ST8SIA4: variants seen among roughly 807,000 people sequenced by gnomAD.
ST8SIA4 encodes ST8 alpha-N-acetyl-neuraminide alpha-2,8-sialyltransferase 4.
ST8SIA4 carries 15 observed loss-of-function variants against 33.9 expected under a neutral mutation model. The ratio of observed to expected loss-of-function variants is 0.44; its 90% CI spans 0.30 to 0.68. The LOEUF (loss-of-function observed/expected upper bound fraction) is 0.68. Among genes scored for constraint, ST8SIA4 ranks in the 30% least tolerant of loss-of-function variants. The pLI, the probability that ST8SIA4 is intolerant of heterozygous loss-of-function variation, is 0.10. For synonymous variants in ST8SIA4, 171 were observed against 151.2 expected (o/e 1.13, Z -0.96); for missense variants, 321 against 428.0 (o/e 0.75, Z 2.21).
chr5:100,819,345 T>C (rs1453512709), intron 4 of ST8SIA4, among the ~76,000 whole-genome samples: 1 of 152,240 alleles, frequency 6.6e-6, no homozygotes, highest in Non-Finnish European at 1.5e-5. Context: ...GCAAGTATCA[T>C]ACTAATAGCA....
At chr5:100,855,715 C>A (rs1751800527) in intron 4 of ST8SIA4, among the ~76,000 whole-genome samples, 1 of 152,132 alleles carries the variant, frequency 6.6e-6, no homozygotes, top group South Asian at 2.1e-4. Flanking sequence ...CTTAATTGCT[C>A]CTTAAATATA....
At chr5:100,874,698 C>T (rs1434508253) in intron 3 of ST8SIA4, among the ~76,000 whole-genome samples, 1 of 152,036 alleles carries the variant, frequency 6.6e-6, no homozygotes, top group Non-Finnish European at 1.5e-5. Flanking sequence ...GATCCTCTCA[C>T]CTCAGTCTCC....
intron 4 of ST8SIA4, among the ~76,000 whole-genome samples, chr5:100,828,403 G>A (rs1751185902): frequency 6.6e-6 from 1 of 152,132 alleles, no homozygotes; most frequent in Non-Finnish European, 1.5e-5. Context: ...GGGTCAGTGT[G>A]CTTTTTGCAG....
In ST8SIA4 at chr5:100,809,977, G is replaced by C. The variant is rs555386520; in HGVS notation, c.*1870C>G. 1 of 125,118 alleles carries C rather than the reference G, an allele frequency of 8.0e-6. No homozygotes were observed. The highest frequency in any genetic ancestry group is 1.8e-5 in the Non-Finnish European group (1 of 56,266). 7.8% of individuals were successfully genotyped at this position (125,118 alleles called of 1,614,324 possible). On this transcript the variant is annotated 3_prime_UTR_variant, in exon 5 of 5. Transcript: ENST00000231461. ...CATGGTAACACACACACACACACAC[G>C]TACTTCATGCTTTTTATTCATTTCT...
At chr5:100,817,380 C>A (rs1424322013) in intron 4 of ST8SIA4, among the ~76,000 whole-genome samples, 1 of 151,974 alleles carries the variant, frequency 6.6e-6, no homozygotes, top group African/African-American at 2.4e-5. Context: ...TTTTTCCCAT[C>A]AAAAATCACA....
At chr5:100,900,807 G>A (rs1351412090) in intron 1 of ST8SIA4, among the ~76,000 whole-genome samples, 2 of 152,052 alleles carry the variant, frequency 1.3e-5, no homozygotes, top group Non-Finnish European at 2.9e-5. Flanking sequence ...GGGACCAAAA[G>A]AGCCTGAGTC....
intron 3 of ST8SIA4, among the ~76,000 whole-genome samples, chr5:100,874,398 A>G (rs1385446612): frequency 6.6e-6 from 1 of 152,146 alleles, no homozygotes; most frequent in Admixed American, 6.6e-5. Context: ...AACTTCATCC[A>G]ATATCACCTA....
rs77507895 is a variant in ST8SIA4, at chr5:100,864,291, C to T, written c.504-7895G>A. ...GGACTTCACAATATATTTATAAAAG[C>T]GGGCCGGGTGCGGTGGCTCACGCCT... On this transcript the variant is annotated intron_variant, in intron 3 of 4. Transcript: ENST00000231461. Among the ~76,000 whole-genome samples, 1,472 of 151,896 alleles carry T rather than the reference C, an allele frequency of 9.7e-3. 20 individuals are homozygous for T. The highest frequency in any genetic ancestry group is 0.034 in the African/African-American group (1,411 of 41,450).
intron 3 of ST8SIA4, chr5:100,885,562 A>C: frequency 1.1e-6 from 1 of 930,008 alleles, no homozygotes; most frequent in Non-Finnish European, 1.3e-6. Flanking sequence ...GTACTATTTC[A>C]TATTTCAATA....
chr5:100,807,450 C>A lies in ST8SIA4; in HGVS notation c.*4397G>T, dbSNP rs1750719129. ...TACATTTGAAACACTTGTGCTTTTGCCTACACAAAGAAACGGTTTTTATTA... is the reference window on the plus strand; with the variant it reads ...TACATTTGAAACACTTGTGCTTTTGACTACACAAAGAAACGGTTTTTATTA... On this transcript the variant is annotated 3_prime_UTR_variant, in exon 5 of 5. Transcript: ENST00000231461. 6.6e-6 allele frequency: 1 copy of A among 152,368 alleles called. No homozygotes were observed. The highest frequency in any genetic ancestry group is 6.6e-5 in the Admixed American group (1 of 15,256). 9.4% of individuals were successfully genotyped at this position (152,368 alleles called of 1,614,324 possible). A position where few individuals can be genotyped will look rare whatever the true frequency, so the allele number is the denominator to read the frequency against.
chr5:100,821,631 ATCT>A (rs1751032198), intron 4 of ST8SIA4, among the ~76,000 whole-genome samples: 1 of 141,544 alleles, frequency 7.1e-6, no homozygotes, highest in South Asian at 2.6e-4. Flanking sequence ...AACAAATGTG[ATCT>A]ATATTCCATT....
intron 3 of ST8SIA4, among the ~76,000 whole-genome samples, chr5:100,874,023 G>A (rs1752254853): frequency 6.6e-6 from 1 of 152,122 alleles, no homozygotes. Context: ...ATTCCTTAAT[G>A]TAATATATAC....
intron 2 of ST8SIA4, 51 bp from the exon 3 acceptor site, chr5:100,886,651 A>G (rs202064938): frequency 3.6e-5 from 51 of 1,413,108 alleles, no homozygotes; most frequent in Non-Finnish European, 4.5e-5. Context: ...CATATCCAAG[A>G]ACTGATGGTG....
rs148132085 is a variant in ST8SIA4, at chr5:100,870,950, T to A, written c.504-14554A>T. Reference sequence around the variant, plus strand: ...CTGGAGAAAATGTGTGTAGCAAATATTAGATAAGCAATGTTACTATTCCTA... The same window carrying A: ...CTGGAGAAAATGTGTGTAGCAAATAATAGATAAGCAATGTTACTATTCCTA... On this transcript the variant is annotated intron_variant, in intron 3 of 4. Coordinates refer to ENST00000231461, the MANE Select transcript of ST8SIA4 (RefSeq NM_005668.6). Among the ~76,000 whole-genome samples the A allele has an allele frequency of 5.0e-3, 755 of 152,222 alleles. 8 individuals are homozygous for A. Among genetic ancestry groups the A allele is most frequent in the Middle Eastern group, 0.027 (8 of 294 alleles).
At position 100,808,172 on chromosome 5, in the gene ST8SIA4, G is replaced by A. The variant is rs367597340; in HGVS notation, c.*3675C>T. The A allele has an allele frequency of 6.6e-6, 1 of 152,530 alleles. No individual in the cohort carries two copies. Among genetic ancestry groups the A allele is most frequent in the South Asian group, 2.1e-4 (1 of 4,816 alleles). 9.4% of individuals were successfully genotyped at this position (152,530 alleles called of 1,614,324 possible). ...GGCTCAATTAGAAATAAATTAATTT[G>A]TTCATCCTTTTTCTGTATAGTAGCT... On this transcript the variant is annotated 3_prime_UTR_variant, in exon 5 of 5. Coordinates refer to ENST00000231461, the MANE Select transcript of ST8SIA4 (RefSeq NM_005668.6).
intron 4 of ST8SIA4, among the ~76,000 whole-genome samples, chr5:100,821,926 A>G (rs1437073748): frequency 6.6e-6 from 1 of 152,214 alleles, no homozygotes; most frequent in East Asian, 1.9e-4. Context: ...CACTCAGACA[A>G]GGGCTTTCCA....
rs528367578 is a variant in ST8SIA4 at position 100,826,961 on chromosome 5, TACAC to T, written c.798-14836_798-14833del. On this transcript the variant is annotated intron_variant, in intron 4 of 4. Coordinates refer to ENST00000231461, the MANE Select transcript of ST8SIA4 (RefSeq NM_005668.6). The stretch of plus-strand genomic sequence containing the variant: ...CTATTCAGATATATGTGTGTGTATA[TACAC>T]ACACACACACACACACACACATCCC... Among the ~76,000 whole-genome samples the T allele has an allele frequency of 5.1e-3, 751 of 147,454 alleles. 4 individuals are homozygous for T. The highest frequency in any genetic ancestry group is 0.021 in the Middle Eastern group (6 of 284).
In ST8SIA4 at chr5:100,810,533, C is replaced by T. The variant is rs1198331197; in HGVS notation, c.*1314G>A. The T allele has an allele frequency of 6.6e-6, 1 of 151,914 alleles. No individual in the cohort carries two copies. Among genetic ancestry groups the T allele is most frequent in the Non-Finnish European group, 1.5e-5 (1 of 67,984 alleles). The allele number at this position is 151,914 out of a possible 1,614,324, so 9.4% of individuals were successfully genotyped here. ...TATTCTAAAGGGCAAAATGCTTCCA[C>T]AAAATTATTATGTAATGCAAAAGGT... On this transcript the variant is annotated 3_prime_UTR_variant, in exon 5 of 5. Coordinates refer to ENST00000231461, the MANE Select transcript of ST8SIA4 (RefSeq NM_005668.6).
intron 4 of ST8SIA4, among the ~76,000 whole-genome samples, chr5:100,824,069 G>A (rs1293838546): frequency 6.6e-6 from 1 of 152,126 alleles, no homozygotes; most frequent in Non-Finnish European, 1.5e-5. Context: ...CCATAATAAA[G>A]CCTCTCTAAT....
Sources: gnomAD v4.1 joint callset for allele counts (sites outside exome capture counted in the v4.1 genomes callset) on GRCh38, gnomAD v4.1.1 for gene constraint, MANE v1.5 for transcripts, NCBI Gene and HGNC (gene_info 2026-07-23, HGNC 2026-07-21) for gene names.